The following EDIL3 variants were observed in gnomAD, a reference collection of about 807,000 sequenced individuals.
The protein encoded by EDIL3 is EGF-like repeat and discoidin I-like domain-containing protein 3.
Under a neutral mutation model 67.4 loss-of-function variants are expected in EDIL3, and 37 were observed. That is an observed-to-expected ratio of 0.55 (90% confidence interval 0.42 to 0.72). EDIL3 has a LOEUF of 0.72. EDIL3 is among the 30% of genes least tolerant of loss of function. The pLI, the probability that EDIL3 is intolerant of heterozygous loss-of-function variation, is 0.00. For missense variants in EDIL3, 527 were observed against 586.3 expected (o/e 0.90, Z 1.04); for synonymous variants, 195 against 196.3 (o/e 0.99, Z 0.05).
chr5:83,961,918 T>C (rs771999916), intron 10 of EDIL3, among the ~76,000 whole-genome samples: 2 of 151,414 alleles, frequency 1.3e-5, no homozygotes, highest in Non-Finnish European at 3.0e-5. Flanking sequence ...TAAATTGTGA[T>C]GTAAGATACA....
chr5:83,997,301 A>C (rs573998171), intron 9 of EDIL3, among the ~76,000 whole-genome samples: 1 of 152,334 alleles, frequency 6.6e-6, no homozygotes, highest in East Asian at 1.9e-4. Flanking sequence ...CAGTAGTTAA[A>C]GAAATGAAAA....
chr5:83,990,702 G>A (rs1241575766), intron 9 of EDIL3, among the ~76,000 whole-genome samples: 1 of 151,678 alleles, frequency 6.6e-6, no homozygotes, highest in Non-Finnish European at 1.5e-5. Context: ...CCAACATGGT[G>A]AAACCCATCT....
At chr5:84,153,483 C>CG (rs1191170562) in intron 4 of EDIL3, among the ~76,000 whole-genome samples, 1 of 151,262 alleles carries the variant, frequency 6.6e-6, no homozygotes, top group East Asian at 2.0e-4. Context: ...TTAATAGAGA[C>CG]GGGGTTTCAC....
chr5:84,220,964 G>A (rs747857422), intron 3 of EDIL3, among the ~76,000 whole-genome samples: 1 of 152,084 alleles, frequency 6.6e-6, no homozygotes, highest in East Asian at 1.9e-4. Flanking sequence ...AGAAATATTG[G>A]AAAGGAATAA....
intron 9 of EDIL3, among the ~76,000 whole-genome samples, chr5:83,985,027 T>A (rs1294263754): frequency 1.3e-5 from 2 of 151,908 alleles, no homozygotes; most frequent in Non-Finnish European, 2.9e-5. Context: ...CTACAATTTT[T>A]AAATTTCCTC....
At chr5:84,325,482 TA>T (rs201187300) in intron 1 of EDIL3, among the ~76,000 whole-genome samples, 4,657 of 151,732 alleles carry the variant, frequency 0.031, 101 homozygotes, top group Middle Eastern at 0.075. Context: ...AAACAGAAAA[TA>T]AAATACATGT....
intron 1 of EDIL3, among the ~76,000 whole-genome samples, chr5:84,356,279 T>C (rs1484765972): frequency 6.6e-6 from 1 of 152,252 alleles, no homozygotes; most frequent in African/African-American, 2.4e-5. Flanking sequence ...AATTTAGTTG[T>C]TCTTTCAGAC....
chr5:84,277,151 G>C (rs979850755), intron 1 of EDIL3, among the ~76,000 whole-genome samples: 5 of 152,072 alleles, frequency 3.3e-5, no homozygotes, highest in African/African-American at 1.2e-4. Flanking sequence ...GCAATGAATG[G>C]AATGTTTACA....
At position 84,020,775 on chromosome 5, in the gene EDIL3, T is replaced by C. The variant is rs554591987; in HGVS notation, c.1137+39525A>G. On this transcript the variant is annotated intron_variant, in intron 9 of 10. Transcript: ENST00000296591. ...TTTCCTCTTCAGAGCATAGTTAGCA[T>C]AGTTATGCTTTTTAATTCTCCTTTA... Among the ~76,000 whole-genome samples the C allele has an allele frequency of 9.9e-5, 15 of 152,060 alleles. 1 individual carries two copies. Among genetic ancestry groups the C allele is most frequent in the Admixed American group, 3.9e-4 (6 of 15,228 alleles).
At chr5:84,381,407 A>G (rs1445096761) in intron 1 of EDIL3, among the ~76,000 whole-genome samples, 1 of 152,194 alleles carries the variant, frequency 6.6e-6, no homozygotes, top group Non-Finnish European at 1.5e-5. Context: ...TTTTTAAGGT[A>G]TAAAATTTAA....
At chr5:84,100,735 T>C (rs1314659815) in intron 6 of EDIL3, among the ~76,000 whole-genome samples, 1 of 152,004 alleles carries the variant, frequency 6.6e-6, no homozygotes, top group East Asian at 1.9e-4. Flanking sequence ...TTAAAAAACA[T>C]CTGATAATAT....
chr5:84,249,820 A>G (rs187158344), intron 2 of EDIL3, among the ~76,000 whole-genome samples: 129 of 152,182 alleles, frequency 8.5e-4, no homozygotes, highest in Non-Finnish European at 1.6e-3. Context: ...ATAGGCTGGG[A>G]GAGGTGGCTC....
chr5:84,241,467 C>G (rs1402147457), intron 2 of EDIL3, among the ~76,000 whole-genome samples: 1 of 152,032 alleles, frequency 6.6e-6, no homozygotes, highest in Non-Finnish European at 1.5e-5. Context: ...CTTATTTGCT[C>G]TAAGCATAAG....
At chr5:84,274,768 CACACATACACATACAGACACACACAG>C (rs1383914206) in intron 1 of EDIL3, among the ~76,000 whole-genome samples, 1 of 140,872 alleles carries the variant, frequency 7.1e-6, no homozygotes, top group Non-Finnish European at 1.5e-5. Context: ...CACACACAGA[CACACATACACATACAGACACACACAG>C]ACACACACAC....
intron 4 of EDIL3, among the ~76,000 whole-genome samples, chr5:84,179,480 T>C (rs1361783411): frequency 6.6e-6 from 1 of 152,222 alleles, no homozygotes; most frequent in Non-Finnish European, 1.5e-5. Flanking sequence ...AAGTACAAGA[T>C]GCTCCCAAAG....
At chr5:84,204,587 A>G (rs1276378261) in intron 3 of EDIL3, among the ~76,000 whole-genome samples, 1 of 151,982 alleles carries the variant, frequency 6.6e-6, no homozygotes, top group Non-Finnish European at 1.5e-5. Flanking sequence ...ATTATTTTCC[A>G]TATCTAGGTA....
chr5:83,988,149 C>T (rs17529704), intron 9 of EDIL3, among the ~76,000 whole-genome samples: 35,650 of 151,766 alleles, frequency 0.23, 4,896 homozygotes, highest in South Asian at 0.37. Flanking sequence ...CATAACATAA[C>T]GTGAAAAGTA....
intron 5 of EDIL3, 105 bp from the exon 6 acceptor site, chr5:84,106,935 C>A (rs1747477578): frequency 8.1e-7 from 1 of 1,239,352 alleles, no homozygotes; most frequent in Non-Finnish European, 1.1e-6. Context: ...TGAATTTGCA[C>A]CACCATGCTA....
chr5:84,039,776 C>G (rs1243716723), intron 9 of EDIL3, among the ~76,000 whole-genome samples: 1 of 151,834 alleles, frequency 6.6e-6, no homozygotes, highest in African/African-American at 2.4e-5. Context: ...AAGCACAAAC[C>G]TGCACATTGT....
Sources: allele counts gnomAD v4.1 joint callset (sites outside exome capture counted in the v4.1 genomes callset), GRCh38; gene constraint gnomAD v4.1.1; transcripts MANE v1.5; gene names NCBI Gene and HGNC (gene_info 2026-07-23, HGNC 2026-07-21).